Variants in DCHS2 observed in about 807,000 individuals in gnomAD.
DCHS2 encodes the protein protocadherin-23.
DCHS2 carries 142 observed loss-of-function variants against 182.4 expected under a neutral mutation model. That is an observed-to-expected ratio of 0.78 (90% CI 0.68 to 0.89). The LOEUF (loss-of-function observed/expected upper bound fraction) is 0.89. Ranked by LOEUF, DCHS2 falls within the 40% of genes least tolerant of loss-of-function variation. DCHS2 has a pLI of 0.00. For missense variants in DCHS2, 4,319 were observed against 4,198.6 expected (o/e 1.03, Z -0.79); for synonymous variants, 1,740 against 1,663.3 (o/e 1.05, Z -1.12).
chr4:154,428,679 T>A (rs1389162288), intron 1 of DCHS2, among the ~76,000 whole-genome samples: 1 of 151,912 alleles, frequency 6.6e-6, no homozygotes, highest in Non-Finnish European at 1.5e-5. Flanking sequence ...GGCGGGTGGA[T>A]CATTTGAGGT....
At position 154,235,500 on chromosome 4, in the gene DCHS2, G is replaced by T. The variant is rs777586912; in HGVS notation, c.9152C>A (p.Ala3051Asp). The change falls in exon 20 of 20, where the codon GCC becomes GAC. Residue 3051 changes from alanine (A) to aspartate (D), a missense_variant. Transcript: ENST00000357232. ...ACTGCAGTCGTCAGTTTTCTGGAAGGCTTTGAGCACACTGGCATCCCGGGT... is the reference window on the plus strand; with the variant it reads ...ACTGCAGTCGTCAGTTTTCTGGAAGTCTTTGAGCACACTGGCATCCCGGGT... ...RVTRDASVLKAFQKTDDCSNE... is the reference protein window; with the variant it reads ...RVTRDASVLKDFQKTDDCSNE... The T allele has an allele frequency of 1.2e-6, 2 of 1,614,026 alleles. No individual in the cohort carries two copies. Among genetic ancestry groups the T allele is most frequent in the Non-Finnish European group, 1.7e-6 (2 of 1,179,974 alleles).
At chr4:154,380,519 A>G (rs1731121329) in intron 1 of DCHS2, among the ~76,000 whole-genome samples, 1 of 152,174 alleles carries the variant, frequency 6.6e-6, no homozygotes, top group African/African-American at 2.4e-5. Flanking sequence ...GACACATACA[A>G]TGAACTTTTA....
At chr4:154,442,829 G>T (rs931775422) in intron 1 of DCHS2, among the ~76,000 whole-genome samples, 1 of 151,802 alleles carries the variant, frequency 6.6e-6, no homozygotes, top group African/African-American at 2.4e-5. Context: ...TCTTTCTCTT[G>T]GTCACTAGTT....
chr4:154,300,372 G>A (rs1168669167), intron 12 of DCHS2, among the ~76,000 whole-genome samples: 2 of 152,026 alleles, frequency 1.3e-5, no homozygotes, highest in East Asian at 1.9e-4. Context: ...GAATAGTATC[G>A]AGGCAGCAAT....
chr4:154,297,885 C>G lies in DCHS2; in HGVS notation c.6429G>C (p.Leu2143=), dbSNP rs762380554. The change falls in exon 13 of 20, where the codon CTG becomes CTC. Residue 2143 remains leucine, a synonymous_variant. Coordinates refer to ENST00000357232, the MANE Select transcript of DCHS2 (RefSeq NM_001358235.2). The stretch of plus-strand genomic sequence containing the variant: ...AATTTTCAGTCACGAGCCCTTTATA[C>G]AGGTGGTGGCTGAAGGAAATCTTTA... The part of the protein sequence containing the change: ...EDVKISFSHH[L]YKGLVTENCE... 4.1e-5 allele frequency: 66 copies of G among 1,613,804 alleles called. No homozygotes were observed. Among genetic ancestry groups the G allele is most frequent in the Non-Finnish European group, 5.5e-5 (65 of 1,179,818 alleles).
intron 14 of DCHS2, among the ~76,000 whole-genome samples, chr4:154,261,534 T>C (rs973012837): frequency 6.6e-6 from 1 of 152,230 alleles, no homozygotes; most frequent in Non-Finnish European, 1.5e-5. Flanking sequence ...TATTGCTCTA[T>C]CTGAATCAGC....
chr4:154,237,628 T>G (rs1731596294), intron 19 of DCHS2: 1 of 152,862 alleles, frequency 6.5e-6, no homozygotes, highest in Admixed American at 6.5e-5. Flanking sequence ...TACTATTGCT[T>G]AATTAGAGAG....
chr4:154,298,210 T>C lies in DCHS2; in HGVS notation c.6104A>G (p.Asp2035Gly), dbSNP rs776936513. The change falls in exon 13 of 20, where the codon GAT becomes GGT. Residue 2035 changes from aspartate to glycine, a missense_variant. Transcript: ENST00000357232. ...AAAAGGGTTCTGTTCCAAAACTGGA[T>C]CATTGTCATTAACATCAGTGACATA... Reference protein sequence around the residue: ...KVYVTDVNDNDPVLEQNPFDV... With the variant: ...KVYVTDVNDNGPVLEQNPFDV... 2 of 1,614,130 alleles carry C rather than the reference T, an allele frequency of 1.2e-6. No homozygotes were observed. The highest frequency in any genetic ancestry group is 1.7e-6 in the Non-Finnish European group (2 of 1,180,016).
intron 1 of DCHS2, among the ~76,000 whole-genome samples, chr4:154,473,153 T>G (rs1735544479): frequency 6.6e-6 from 1 of 152,114 alleles, no homozygotes; most frequent in Non-Finnish European, 1.5e-5. Context: ...CCAGAAATCC[T>G]CAGGCTAGGG....
Position 154,489,691 on chromosome 4 carries a change from G to C in DCHS2, c.1665C>G (p.Gly555=). The C allele has an allele frequency of 6.4e-7, 1 of 1,551,732 alleles. No individual in the cohort carries two copies. Among genetic ancestry groups the C allele is most frequent in the Non-Finnish European group, 8.7e-7 (1 of 1,146,996 alleles). Residue 555 remains glycine (G), a synonymous_variant, in exon 1 of 20, where the codon GGC becomes GGG. Transcript: ENST00000357232. ...KASVSEAAAP[G]TVVMWVSASD... The stretch of plus-strand genomic sequence containing the variant: ...AGGCGCTGACCCACATGACTACAGT[G>C]CCAGGGGCCGCGGCCTCGGACACTG...
Position 154,259,704 on chromosome 4 carries a change from C to G in DCHS2, c.6630G>C (p.Glu2210Asp), listed in dbSNP as rs759490118. Reference sequence around the variant, plus strand: ...TTTCAGCTAAAACGATGAGTTGAACCTCATTTCTGACTTCAAAATCAAGAA... The same window carrying G: ...TTTCAGCTAAAACGATGAGTTGAACGTCATTTCTGACTTCAAAATCAAGAA... ...PKFLDFEVRN[E>D]VQLIVLAESS... The change falls in exon 15 of 20, where the codon GAG becomes GAC. Residue 2210 changes from glutamate (E) to aspartate (D), a missense_variant. Coordinates refer to ENST00000357232, the MANE Select transcript of DCHS2 (RefSeq NM_001358235.2). The G allele has an allele frequency of 1.2e-6, 2 of 1,613,996 alleles. No homozygotes were observed. Among genetic ancestry groups the G allele is most frequent in the Non-Finnish European group, 8.5e-7 (1 of 1,179,990 alleles).
At chr4:154,379,718 A>G (rs1388069) in intron 1 of DCHS2, among the ~76,000 whole-genome samples, 52,459 of 152,054 alleles carry the variant, frequency 0.35, 10,343 homozygotes, top group Non-Finnish European at 0.46. Flanking sequence ...CTTTTCATCA[A>G]TATAATATAC....
At chr4:154,389,607 C>T (rs186196110) in intron 1 of DCHS2, among the ~76,000 whole-genome samples, 65 of 150,118 alleles carry the variant, frequency 4.3e-4, no homozygotes, top group African/African-American at 1.5e-3. Flanking sequence ...TATATCATGA[C>T]TTTATATTTT....
Position 154,332,582 on chromosome 4 carries a change from A to G in DCHS2, c.3626T>C (p.Val1209Ala), listed in dbSNP as rs186083451. 8.7e-6 allele frequency: 14 copies of G among 1,614,024 alleles called. No individual in the cohort carries two copies. The highest frequency in any genetic ancestry group is 1.1e-5 in the Non-Finnish European group (13 of 1,179,992). Residue 1209 changes from valine (V) to alanine (A), a missense_variant, in exon 5 of 20, where the codon GTA becomes GCA. Coordinates refer to ENST00000357232, the MANE Select transcript of DCHS2 (RefSeq NM_001358235.2). ...KVEESPVPQG[V>A]IGKITAIDMD... ...GTCAATAGCTGTAATTTTGCCTATT[A>G]CCCCTTGGGGAACAGGGCTCTCTTC...
Position 154,333,080 on chromosome 4 carries a change from G to A in DCHS2, c.3128C>T (p.Ala1043Val), listed in dbSNP as rs920713577. The A allele has an allele frequency of 3.7e-6, 6 of 1,613,876 alleles. No individual in the cohort carries two copies. Among genetic ancestry groups the A allele is most frequent in the Non-Finnish European group, 5.1e-6 (6 of 1,179,980 alleles). Residue 1043 changes from alanine (A) to valine (V), a missense_variant, in exon 5 of 20, where the codon GCG (alanine) becomes GTG (valine). Physicochemically the swap from Ala to Val is moderately conservative, Grantham distance 64. Transcript: ENST00000357232. ...GVLFLNGSLG[A>V]GEQRELTLTL... ...CAGCGTGAGCTCCCGCTGCTCGCCCGCGCCCAGGCTGCCGTTGAGGAACAG... is the reference window on the plus strand; with the variant it reads ...CAGCGTGAGCTCCCGCTGCTCGCCCACGCCCAGGCTGCCGTTGAGGAACAG...
chr4:154,453,648 T>C (rs1734636230), intron 1 of DCHS2, among the ~76,000 whole-genome samples: 2 of 152,086 alleles, frequency 1.3e-5, no homozygotes, highest in South Asian at 2.1e-4. Flanking sequence ...TCAGTCTGAG[T>C]CTCTTCCTGC....
chr4:154,244,700 T>C (rs1331671179), intron 16 of DCHS2, among the ~76,000 whole-genome samples: 1 of 152,174 alleles, frequency 6.6e-6, no homozygotes, highest in Non-Finnish European at 1.5e-5. Context: ...TCAGGGCTTA[T>C]CTACTATTCA....
intron 2 of DCHS2, among the ~76,000 whole-genome samples, chr4:154,371,399 G>A (rs762803213): frequency 1.3e-5 from 2 of 152,078 alleles, no homozygotes; most frequent in Non-Finnish European, 2.9e-5. Context: ...AGAAAGGAAC[G>A]GGTATCCTTG....
chr4:154,437,157 T>C (rs1312006727), intron 1 of DCHS2, among the ~76,000 whole-genome samples: 1 of 152,176 alleles, frequency 6.6e-6, no homozygotes, highest in Non-Finnish European at 1.5e-5. Context: ...AGACCAGCCT[T>C]AGACAGTTCA....
Sources: gnomAD v4.1 joint callset for allele counts (sites outside exome capture counted in the v4.1 genomes callset) on GRCh38, gnomAD v4.1.1 for gene constraint, MANE v1.5 for transcripts, NCBI Gene and HGNC (gene_info 2026-07-23, HGNC 2026-07-21) for gene names.